TMEM117: variants seen among roughly 807,000 people sequenced by gnomAD.
TMEM117 encodes the protein transmembrane protein 117.
A neutral mutation model predicts 52.4 loss-of-function variants in TMEM117; 27 were observed. The ratio of observed to expected loss-of-function variants is 0.51; its 90% CI spans 0.38 to 0.71. The LOEUF is 0.71. Ranked by LOEUF, TMEM117 falls within the 30% of genes least tolerant of loss-of-function variation. The probability of loss-of-function intolerance (pLI) is 0.00; values close to 1 mark genes in which losing one functional copy is unlikely to be tolerated. For missense variants in TMEM117, 556 were observed against 630.5 expected (o/e 0.88, Z 1.26); for synonymous variants, 215 against 206.3 (o/e 1.04, Z -0.36).
intron 5 of TMEM117, among the ~76,000 whole-genome samples, chr12:44,245,232 A>G (rs1287679132): frequency 6.6e-6 from 1 of 151,820 alleles, no homozygotes; most frequent in South Asian, 2.1e-4. Context: ...TCTTTCTGTG[A>G]AGAATGCCAT....
At chr12:44,045,465 C>T (rs929342523) in intron 3 of TMEM117, among the ~76,000 whole-genome samples, 6 of 152,202 alleles carry the variant, frequency 3.9e-5, no homozygotes, top group Admixed American at 6.5e-5. Flanking sequence ...GACTACCATC[C>T]GTGGACTCAC....
intron 4 of TMEM117, among the ~76,000 whole-genome samples, chr12:44,207,186 A>G (rs1949580609): frequency 6.6e-6 from 1 of 152,182 alleles, no homozygotes; most frequent in Non-Finnish European, 1.5e-5. Context: ...ATCTTAAATG[A>G]TACTCCACCA....
chr12:44,244,425 C>G (rs945887540), intron 5 of TMEM117: 2 of 151,810 alleles, frequency 1.3e-5, no homozygotes, highest in East Asian at 3.9e-4. Context: ...TGTATTTTCT[C>G]CACCCATAAT....
In TMEM117 at chr12:43,912,507, TTATA is replaced by T. The variant is rs56170922; in HGVS notation, c.278-31677_278-31674del. 1.6e-3 allele frequency among the ~76,000 whole-genome samples: 215 copies of T among 132,098 alleles called. 4 individuals carry two copies. Among genetic ancestry groups the T allele is most frequent in the Middle Eastern group, 3.7e-3 (1 of 272 alleles). The allele number at this position is 132,098 out of a possible 152,430, so 86.7% of individuals were successfully genotyped here. A position where few individuals can be genotyped will look rare whatever the true frequency, so the allele number is the denominator to read the frequency against. On this transcript the variant is annotated intron_variant, in intron 2 of 7. Transcript: ENST00000266534. ...AAACTTAAAGTATAATAATAATAAT[TTATA>T]TATATATATATATATATATATATAT... is the stretch of plus-strand genomic sequence containing the variant.
intron 3 of TMEM117, among the ~76,000 whole-genome samples, chr12:44,071,209 C>CCG (rs1404672961): frequency 1.3e-5 from 2 of 152,140 alleles, no homozygotes; most frequent in African/African-American, 4.8e-5. Context: ...AGCAGAACAG[C>CCG]CGCGCTCGTG....
At chr12:43,969,501 A>G (rs1277257714) in intron 3 of TMEM117, among the ~76,000 whole-genome samples, 3 of 151,564 alleles carry the variant, frequency 2.0e-5, no homozygotes, top group Non-Finnish European at 2.9e-5. Flanking sequence ...CAGCCTGGGC[A>G]ACAGAGTGAG....
chr12:44,199,485 G>A (rs1949464568), intron 4 of TMEM117, among the ~76,000 whole-genome samples: 1 of 151,966 alleles, frequency 6.6e-6, no homozygotes, highest in African/African-American at 2.4e-5. Context: ...ACAATATACT[G>A]ACCAATATAT....
intron 5 of TMEM117, among the ~76,000 whole-genome samples, chr12:44,242,649 A>G (rs912424208): frequency 1.3e-5 from 2 of 148,172 alleles, no homozygotes; most frequent in Non-Finnish European, 3.0e-5. Flanking sequence ...CTATCTATAT[A>G]TATTATATTA....
intron 5 of TMEM117, among the ~76,000 whole-genome samples, chr12:44,297,370 G>A (rs1409593700): frequency 6.6e-6 from 1 of 152,174 alleles, no homozygotes; most frequent in African/African-American, 2.4e-5. Flanking sequence ...CACAGGCTCT[G>A]ACCAATAGAA....
chr12:44,236,130 T>A (rs1949992323), intron 5 of TMEM117, among the ~76,000 whole-genome samples: 1 of 151,858 alleles, frequency 6.6e-6, no homozygotes, highest in East Asian at 1.9e-4. Flanking sequence ...AATAGTAGAT[T>A]GGTTTTCATT....
At chr12:44,152,050 ATATATT>A (rs1458680138) in intron 4 of TMEM117, among the ~76,000 whole-genome samples, 4 of 117,992 alleles carry the variant, frequency 3.4e-5, no homozygotes, top group Admixed American at 3.1e-4. Flanking sequence ...TATATTAATC[ATATATT>A]TATATTATAG....
the TMEM117 span, chr12:43,797,721 T>C: frequency 1.2e-6 from 2 of 1,612,262 alleles, no homozygotes; most frequent in Non-Finnish European, 1.7e-6. Flanking sequence ...CTGCACATAG[T>C]TGAGCTGTCT....
intron 2 of TMEM117, among the ~76,000 whole-genome samples, chr12:43,846,727 A>G (rs796838315): frequency 2.0e-5 from 3 of 152,222 alleles, no homozygotes; most frequent in African/African-American, 7.2e-5. Context: ...GAATGTAATA[A>G]TAGAGCTTTG....
intron 2 of TMEM117, among the ~76,000 whole-genome samples, chr12:43,926,607 ACTC>A (rs2137569239): frequency 6.6e-6 from 1 of 152,256 alleles, no homozygotes; most frequent in African/African-American, 2.4e-5. Flanking sequence ...TTGTGAAAGA[ACTC>A]CTCTCTCAAA....
rs545656961 is a variant in TMEM117, at chr12:44,380,696, G to A, written c.898+3972G>A. Among the ~76,000 whole-genome samples the A allele has an allele frequency of 1.7e-4, 26 of 152,212 alleles. 1 individual carries two copies. Among genetic ancestry groups the A allele is most frequent in the African/African-American group, 6.0e-4 (25 of 41,510 alleles). ...TTAATATATGTAAGGCACTTATGACGCTGCCTGCCATGTAGTAAGCATTCA... is the reference window on the plus strand; with the variant it reads ...TTAATATATGTAAGGCACTTATGACACTGCCTGCCATGTAGTAAGCATTCA... On this transcript the variant is annotated intron_variant, in intron 7 of 7. Transcript: ENST00000266534.
intron 4 of TMEM117, among the ~76,000 whole-genome samples, chr12:44,183,415 A>G (rs1310151395): frequency 6.6e-6 from 1 of 152,208 alleles, no homozygotes; most frequent in Non-Finnish European, 1.5e-5. Context: ...GGGTGTGATT[A>G]ATTATAAAGT....
chr12:43,983,761 GA>G (rs1051148536), intron 3 of TMEM117, among the ~76,000 whole-genome samples: 1 of 151,360 alleles, frequency 6.6e-6, no homozygotes, highest in African/African-American at 2.4e-5. Context: ...AACTCAGAGT[GA>G]AAAAAACTGA....
intron 2 of TMEM117, among the ~76,000 whole-genome samples, chr12:43,926,701 G>A (rs977754178): frequency 7.9e-5 from 12 of 151,934 alleles, no homozygotes; most frequent in African/African-American, 2.7e-4. Flanking sequence ...AATAACTCAG[G>A]TTTCATACTT....
chr12:44,093,286 A>G (rs1485666266), intron 3 of TMEM117, among the ~76,000 whole-genome samples: 1 of 152,130 alleles, frequency 6.6e-6, no homozygotes, highest in Non-Finnish European at 1.5e-5. Flanking sequence ...GTATAAAGCT[A>G]AAGACTTTGT....
Sources: gnomAD v4.1 joint callset for allele counts (sites outside exome capture counted in the v4.1 genomes callset) on GRCh38, gnomAD v4.1.1 for gene constraint, MANE v1.5 for transcripts, NCBI Gene and HGNC (gene_info 2026-07-23, HGNC 2026-07-21) for gene names.